PCCA: variants seen among roughly 807,000 people sequenced by gnomAD.
The protein encoded by PCCA is propionyl-CoA carboxylase subunit alpha.
A neutral mutation model predicts 101.3 loss-of-function variants in PCCA; 74 were observed. The ratio of observed to expected loss-of-function variants is 0.73; its 90% CI spans 0.61 to 0.89. The LOEUF (loss-of-function observed/expected upper bound fraction) is 0.89, where lower values mean the gene tolerates loss of function less well. PCCA is among the 40% of genes least tolerant of loss of function. PCCA has a pLI of 0.00. For missense variants in PCCA, 891 were observed against 907.0 expected (o/e 0.98, Z 0.23); for synonymous variants, 294 against 313.6 (o/e 0.94, Z 0.66).
rs545597508 is a variant in PCCA, at chr13:100,471,376, C to T, written c.1899+22071C>T. Among the ~76,000 whole-genome samples the T allele has an allele frequency of 2.1e-3, 324 of 152,246 alleles. 4 individuals are homozygous for T. Among genetic ancestry groups the T allele is most frequent in the African/African-American group, 7.4e-3 (307 of 41,542 alleles). On this transcript the variant is annotated intron_variant, in intron 21 of 23. Coordinates refer to ENST00000376285, the MANE Select transcript of PCCA (RefSeq NM_000282.4). ...GACGAAAATGGGTTTCCTAATAATGCAGAGGTTTGAAATACTGCAAGAATT... is the reference window on the plus strand; with the variant it reads ...GACGAAAATGGGTTTCCTAATAATGTAGAGGTTTGAAATACTGCAAGAATT...
chr13:100,383,988 T>C (rs931868343), intron 19 of PCCA, among the ~76,000 whole-genome samples: 7 of 152,008 alleles, frequency 4.6e-5, no homozygotes, highest in Admixed American at 6.6e-5. Context: ...CATTCCACCA[T>C]AGTTTATTTT....
chr13:100,102,157 T>C (rs981868380), intron 1 of PCCA, among the ~76,000 whole-genome samples: 18 of 152,220 alleles, frequency 1.2e-4, no homozygotes, highest in Admixed American at 2.6e-4. Flanking sequence ...TTTTCTCTCT[T>C]TTCAGTGGGG....
At chr13:100,349,860 T>A (rs1227402263) in intron 18 of PCCA, among the ~76,000 whole-genome samples, 3 of 152,176 alleles carry the variant, frequency 2.0e-5, no homozygotes, top group African/African-American at 4.8e-5. Context: ...CCTCTTGGGT[T>A]CTTTGTATGT....
intron 5 of PCCA, 23 bp downstream of exon 5, chr13:100,155,115 A>G: frequency 7.1e-7 from 1 of 1,417,690 alleles, no homozygotes; most frequent in South Asian, 1.1e-5. Flanking sequence ...GAATCTATCT[A>G]CTGCAGCTGT....
chr13:100,355,004 G>C (rs545952481), intron 18 of PCCA, among the ~76,000 whole-genome samples: 1 of 152,230 alleles, frequency 6.6e-6, no homozygotes, highest in South Asian at 2.1e-4. Context: ...TAAAGTCATT[G>C]CAAGACAAAA....
intron 6 of PCCA, among the ~76,000 whole-genome samples, chr13:100,172,425 C>T (rs2039679): frequency 0.79 from 119,696 of 152,070 alleles, 47,285 homozygotes; most frequent in East Asian, 0.99. Context: ...AAAATGACTT[C>T]TAATGTTAAT....
Position 100,309,968 on chromosome 13 carries a change from G to T in PCCA, c.1429+60G>T, listed in dbSNP as rs144741192. ...ATATGGTGTCCAGTTCCAGAGAACA[G>T]CCTGGGGGTTTACCAATGAGAATAT... On this transcript the variant is annotated intron_variant, in intron 16 of 23. Transcript: ENST00000376285. 7.7e-4 allele frequency: 926 copies of T among 1,202,080 alleles called. 3 individuals carry two copies. The African/African-American group carries it at 0.013, about 16-fold the overall frequency. The allele number at this position is 1,202,080 out of a possible 1,614,324, so 74.5% of individuals were successfully genotyped here. A position where few individuals can be genotyped will look rare whatever the true frequency, so the allele number is the denominator to read the frequency against.
At position 100,515,717 on chromosome 13, in the gene PCCA, G is replaced by A. The variant is rs775544078; in HGVS notation, c.2040+150G>A. ...AGCAAAATCGATTGCGTGTGTTGTCGACCTGTTTCACGTTTGCATTACGTT... is the reference window on the plus strand; with the variant it reads ...AGCAAAATCGATTGCGTGTGTTGTCAACCTGTTTCACGTTTGCATTACGTT... On this transcript the variant is annotated intron_variant, in intron 22 of 23. Coordinates refer to ENST00000376285, the MANE Select transcript of PCCA (RefSeq NM_000282.4). 4.4e-6 allele frequency: 4 copies of A among 903,310 alleles called. No homozygotes were observed. The African/African-American group carries it at 4.9e-5, about 11-fold the overall frequency. 56.0% of individuals were successfully genotyped at this position (903,310 alleles called of 1,614,324 possible).
chr13:100,184,023 G>T (rs557202994), intron 6 of PCCA, among the ~76,000 whole-genome samples: 3 of 152,258 alleles, frequency 2.0e-5, no homozygotes, highest in South Asian at 4.1e-4. Flanking sequence ...TATAAGAAAA[G>T]AGGTTTAATT....
At chr13:100,203,653 G>A (rs1031495952) in intron 6 of PCCA, among the ~76,000 whole-genome samples, 10 of 152,120 alleles carry the variant, frequency 6.6e-5, no homozygotes, top group Non-Finnish European at 1.2e-4. Context: ...GGATTGCACC[G>A]CTGCACTCCG....
chr13:100,111,845 T>C lies in PCCA; in HGVS notation c.188T>C (p.Phe63Ser). ...SVGYDPNEKTFDKILVANRGE... is the reference protein window; with the variant it reads ...SVGYDPNEKTSDKILVANRGE... ...ATGTGTTTTTTCTCTCTTCAGACTT[T>C]TGATAAAATTCTTGTTGCTAATAGA... The change falls in exon 3 of 24, where the codon TTT becomes TCT. Residue 63 changes from phenylalanine (F) to serine (S), a missense_variant. Physicochemically the swap from Phe to Ser is radical, Grantham distance 155. Transcript: ENST00000376285. The C allele has an allele frequency of 6.2e-7, 1 of 1,607,122 alleles. No homozygotes were observed. The highest frequency in any genetic ancestry group is 8.5e-7 in the Non-Finnish European group (1 of 1,174,732).
chr13:100,094,205 G>GCAACAAGA (rs2046551626), intron 1 of PCCA, among the ~76,000 whole-genome samples: 1 of 139,766 alleles, frequency 7.2e-6, no homozygotes, highest in Non-Finnish European at 1.5e-5. Context: ...TCCAGCCTGG[G>GCAACAAGA]CAACAAGAGC....
At chr13:100,411,874 G>A (rs2078076912) in intron 19 of PCCA, among the ~76,000 whole-genome samples, 1 of 152,142 alleles carries the variant, frequency 6.6e-6, no homozygotes, top group African/African-American at 2.4e-5. Flanking sequence ...CTGTCATATT[G>A]AGAGTTAGGC....
At chr13:100,400,627 G>GTTTTTTTTTTTTTTTTTTTTTTT (rs763331038) in intron 19 of PCCA, among the ~76,000 whole-genome samples, 5 of 80,244 alleles carry the variant, frequency 6.2e-5, no homozygotes, top group Admixed American at 2.5e-4. Flanking sequence ...GTTCTTTTTA[G>GTTTTTTTTTTTTTTTTTTTTTTT]TTCTTTTTTT....
intron 2 of PCCA, among the ~76,000 whole-genome samples, chr13:100,105,037 A>G (rs1315701869): frequency 6.6e-6 from 1 of 152,196 alleles, no homozygotes; most frequent in Non-Finnish European, 1.5e-5. Context: ...ATTAAAAAAA[A>G]GTAAACAGGC....
intron 21 of PCCA, among the ~76,000 whole-genome samples, chr13:100,504,512 A>G (rs1358269927): frequency 2.0e-5 from 3 of 152,212 alleles, no homozygotes; most frequent in Admixed American, 1.3e-4. Flanking sequence ...GACAGCCTCC[A>G]GTGTCTTCTC....
At chr13:100,150,671 A>G (rs1393967881) in intron 4 of PCCA, 1 of 1,445,876 alleles carries the variant, frequency 6.9e-7, no homozygotes, top group African/African-American at 1.4e-5. Flanking sequence ...ATTTCTTCTG[A>G]TAGCTTTATG....
At chr13:100,522,273 C>T (rs1323619866) in intron 22 of PCCA, among the ~76,000 whole-genome samples, 1 of 152,126 alleles carries the variant, frequency 6.6e-6, no homozygotes, top group Non-Finnish European at 1.5e-5. Context: ...TGCTCCTGCA[C>T]GTGTCGTATT....
intron 4 of PCCA, among the ~76,000 whole-genome samples, chr13:100,114,564 C>T (rs1048484911): frequency 1.3e-5 from 2 of 152,058 alleles, no homozygotes; most frequent in Non-Finnish European, 2.9e-5. Flanking sequence ...TGCCACTGCG[C>T]TGTAGCGTGG....
Sources: gnomAD v4.1 joint callset for allele counts (sites outside exome capture counted in the v4.1 genomes callset) on GRCh38, gnomAD v4.1.1 for gene constraint, MANE v1.5 for transcripts, NCBI Gene and HGNC (gene_info 2026-07-23, HGNC 2026-07-21) for gene names.